Variants in DGCR2 observed in about 807,000 individuals in gnomAD.
DGCR2 encodes the protein integral membrane protein DGCR2/IDD.
In DGCR2, 24 loss-of-function variants were observed where a neutral mutation model predicts 51.6. That is an observed-to-expected ratio of 0.47 (90% CI 0.34 to 0.65). The LOEUF (loss-of-function observed/expected upper bound fraction) is 0.65, where lower values mean the gene tolerates loss of function less well. DGCR2 is among the 30% of genes least tolerant of loss of function. The pLI, the probability that DGCR2 is intolerant of heterozygous loss-of-function variation, is 0.01. For missense variants in DGCR2, 765 were observed against 772.1 expected, an observed-to-expected ratio of 0.99 and a Z score of 0.11; for synonymous variants, 340 against 315.4, an observed-to-expected ratio of 1.08 and a Z score of -0.82.
intron 5 of DGCR2, among the ~76,000 whole-genome samples, chr22:19,058,619 G>C (rs759961487): frequency 1.3e-5 from 2 of 152,152 alleles, no homozygotes; most frequent in African/African-American, 2.4e-5. Flanking sequence ...AACCAAACAG[G>C]TTCCTTCCAA....
chr22:19,078,614 G>A (rs888722302), intron 2 of DGCR2, among the ~76,000 whole-genome samples: 11 of 152,204 alleles, frequency 7.2e-5, no homozygotes, highest in Admixed American at 3.9e-4. Context: ...TGAATAAGTG[G>A]TGAAAGCAGA....
intron 1 of DGCR2, among the ~76,000 whole-genome samples, chr22:19,099,408 C>A (rs2083176964): frequency 6.7e-6 from 1 of 149,546 alleles, no homozygotes; most frequent in South Asian, 2.1e-4. Context: ...GGTGAAATCC[C>A]AGCTCTACTA....
chr22:19,078,885 T>G (rs888609378), intron 2 of DGCR2, among the ~76,000 whole-genome samples: 3 of 152,218 alleles, frequency 2.0e-5, no homozygotes, highest in Non-Finnish European at 4.4e-5. Flanking sequence ...ATGAATTCAC[T>G]TGAGAAGGAC....
chr22:19,067,099 G>A (rs561366646), intron 3 of DGCR2, among the ~76,000 whole-genome samples: 1 of 152,290 alleles, frequency 6.6e-6, no homozygotes, highest in African/African-American at 2.4e-5. Context: ...AGGGTTGGTG[G>A]GGGTTCTGCC....
intron 9 of DGCR2, 137 bp from the exon 10 acceptor site, chr22:19,039,258 G>T (rs1009207547): frequency 1.5e-5 from 16 of 1,046,498 alleles, no homozygotes; most frequent in Middle Eastern, 6.4e-4. Flanking sequence ...GGACCTGGGT[G>T]GCTCCCCCGG....
intron 2 of DGCR2, among the ~76,000 whole-genome samples, chr22:19,082,059 T>G (rs866303877): frequency 6.7e-6 from 1 of 148,750 alleles, no homozygotes; most frequent in East Asian, 2.0e-4. Context: ...TTTGGGGTTT[T>G]TTTTGTTTTT....
At chr22:19,056,930 C>A in intron 6 of DGCR2, 56 bp downstream of exon 6, 1 of 1,493,576 alleles carries the variant, frequency 6.7e-7, no homozygotes, top group Non-Finnish European at 9.0e-7. Context: ...CAGGGTCCAA[C>A]AAAGTGACAC....
chr22:19,057,607 A>G lies in DGCR2; in HGVS notation c.626-445T>C, dbSNP rs1323412674. Among the ~76,000 whole-genome samples, 1 of 152,220 alleles carries G rather than the reference A, an allele frequency of 6.6e-6. No individual in the cohort carries two copies. The highest frequency in any genetic ancestry group is 1.5e-5 in the Non-Finnish European group (1 of 68,034). On this transcript the variant is annotated intron_variant, in intron 5 of 9. Coordinates refer to ENST00000263196, the MANE Select transcript of DGCR2 (RefSeq NM_005137.3). The surrounding 1 kb of genome is among the most constrained non-coding windows in gnomAD (Gnocchi z 5.1). ...GCACACTCAGATAAACAGAAGACTTACAAAGTCCACCCAACACCCAGGAGA... is the reference window on the plus strand; with the variant it reads ...GCACACTCAGATAAACAGAAGACTTGCAAAGTCCACCCAACACCCAGGAGA...
chr22:19,044,514 G>A (rs1272062950), intron 7 of DGCR2, among the ~76,000 whole-genome samples: 1 of 152,200 alleles, frequency 6.6e-6, no homozygotes, highest in Non-Finnish European at 1.5e-5. Flanking sequence ...TGGGCTCTGT[G>A]CCTGGCAGCT....
In DGCR2 at chr22:19,039,127, G is replaced by A. The variant is rs565271987; in HGVS notation, c.1397-6C>T. On this transcript the variant is annotated splice_region_variant and splice_polypyrimidine_tract_variant and intron_variant, in intron 9 of 9. Coordinates refer to ENST00000263196, the MANE Select transcript of DGCR2 (RefSeq NM_005137.3). The stretch of plus-strand genomic sequence containing the variant: ...AGGCTCAAAAGCATCATCGTCTGCA[G>A]GAAGAGACAGAGGGGTGTCAGAGGC... The A allele has an allele frequency of 3.7e-6, 6 of 1,612,818 alleles. No individual in the cohort carries two copies. In the African/African-American group the frequency reaches 8.0e-5, roughly 21 times the overall value.
intron 6 of DGCR2, among the ~76,000 whole-genome samples, chr22:19,055,077 C>T (rs2082587262): frequency 2.0e-5 from 3 of 152,142 alleles, no homozygotes; most frequent in African/African-American, 7.2e-5. Context: ...AATCACGTCA[C>T]TGCACTCCAG....
intron 6 of DGCR2, among the ~76,000 whole-genome samples, chr22:19,049,710 C>T (rs1489956871): frequency 6.6e-6 from 1 of 151,946 alleles, no homozygotes; most frequent in African/African-American, 2.4e-5. Flanking sequence ...GCCTGTAATC[C>T]CAGCTACTCA....
At chr22:19,072,927 A>G (rs908907521) in intron 2 of DGCR2, among the ~76,000 whole-genome samples, 1 of 151,966 alleles carries the variant, frequency 6.6e-6, no homozygotes, top group African/African-American at 2.4e-5. Flanking sequence ...AGACAACACT[A>G]TCCATCATTA....
chr22:19,063,163 G>C, intron 5 of DGCR2, 39 bp downstream of exon 5: 2 of 1,590,746 alleles, frequency 1.3e-6, no homozygotes, highest in Non-Finnish European at 1.7e-6. Context: ...GGGTGACTCT[G>C]CCCAGCTTCA....
At position 19,054,754 on chromosome 22, in the gene DGCR2, A is replaced by AG. The variant is rs201940193; in HGVS notation, c.802+2231_802+2232insC. Among the ~76,000 whole-genome samples, 787 of 151,582 alleles carry AG rather than the reference A, an allele frequency of 5.2e-3. 5 individuals are homozygous for AG. The highest frequency in any genetic ancestry group is 0.012 in the African/African-American group (509 of 41,276). On this transcript the variant is annotated intron_variant, in intron 6 of 9. Coordinates refer to ENST00000263196, the MANE Select transcript of DGCR2 (RefSeq NM_005137.3). ...GATGCCCCACCTTAAAAAAAAAAAA[A>AG]AGAGAGAGTCAAGGAGAGTATAGAA... is the stretch of plus-strand genomic sequence containing the variant.
At chr22:19,071,784 A>G (rs745685612) in intron 2 of DGCR2, among the ~76,000 whole-genome samples, 8 of 152,336 alleles carry the variant, frequency 5.3e-5, no homozygotes, top group Non-Finnish European at 5.9e-5. Flanking sequence ...ACTACAGTAA[A>G]TTTCTTGCAT....
At chr22:19,065,174 A>C in intron 3 of DGCR2, 107 bp from the exon 4 acceptor site, 1 of 974,280 alleles carries the variant, frequency 1.0e-6, no homozygotes, top group South Asian at 1.6e-5. Context: ...ACCCTAGAGA[A>C]GTGGGGAAAC....
At chr22:19,103,159 T>C (rs2083222566) in intron 1 of DGCR2, among the ~76,000 whole-genome samples, 1 of 152,118 alleles carries the variant, frequency 6.6e-6, no homozygotes, top group Admixed American at 6.6e-5. Flanking sequence ...CAACATATTG[T>C]ATGATTCCAT....
intron 2 of DGCR2, among the ~76,000 whole-genome samples, chr22:19,082,365 G>A (rs2082949333): frequency 6.6e-6 from 1 of 151,292 alleles, no homozygotes; most frequent in African/African-American, 2.4e-5. Context: ...TGGCCTATTG[G>A]TGTCTTTCAA....
Sources: allele counts gnomAD v4.1 joint callset (sites outside exome capture counted in the v4.1 genomes callset), GRCh38; gene constraint gnomAD v4.1.1; non-coding constraint Gnocchi (gnomAD v3.1); transcripts MANE v1.5; gene names NCBI Gene and HGNC (gene_info 2026-07-23, HGNC 2026-07-21).